ATP2B4: variants seen among roughly 807,000 people sequenced by gnomAD.
ATP2B4 encodes plasma membrane calcium-transporting ATPase 4.
A neutral mutation model predicts 110.3 loss-of-function variants in ATP2B4; 39 were observed. The observed-to-expected ratio is 0.35, with a 90% CI of 0.27 to 0.46. The LOEUF (loss-of-function observed/expected upper bound fraction) is 0.46, where lower values mean the gene tolerates loss of function less well. ATP2B4 is among the 20% of genes least tolerant of loss of function. The probability of loss-of-function intolerance (pLI) is 1.00; values close to 1 mark genes in which losing one functional copy is unlikely to be tolerated. For synonymous variants in ATP2B4, 538 were observed against 571.7 expected, an observed-to-expected ratio of 0.94 and a Z score of 0.84; for missense variants, 1,135 against 1,530.9, an observed-to-expected ratio of 0.74 and a Z score of 4.32.
At chr1:203,633,112 A>AT (rs1417369499) in intron 1 of ATP2B4, among the ~76,000 whole-genome samples, 1 of 152,244 alleles carries the variant, frequency 6.6e-6, no homozygotes, top group Non-Finnish European at 1.5e-5. Flanking sequence ...AAACTAGAGC[A>AT]TGCTCATGTC....
At chr1:203,660,046 C>T (rs1664286994) in intron 1 of ATP2B4, among the ~76,000 whole-genome samples, 1 of 149,390 alleles carries the variant, frequency 6.7e-6, no homozygotes, top group Admixed American at 6.7e-5. Flanking sequence ...TGTGCCACTG[C>T]ACTCCAGCCT....
At chr1:203,687,417 A>T (rs975846789) in intron 2 of ATP2B4, among the ~76,000 whole-genome samples, 1 of 152,198 alleles carries the variant, frequency 6.6e-6, no homozygotes, top group African/African-American at 2.4e-5. Flanking sequence ...CAATATGCTC[A>T]TCCTATAAAA....
In ATP2B4 at chr1:203,627,145, C is replaced by T. The variant is rs1558004947; in HGVS notation, c.-539C>T. The T allele has an allele frequency of 6.6e-6, 1 of 152,256 alleles. No individual in the cohort carries two copies. The highest frequency in any genetic ancestry group is 6.5e-5 in the Admixed American group (1 of 15,286). The allele number at this position is 152,256 out of a possible 1,614,324, so 9.4% of individuals were successfully genotyped here. A position where few individuals can be genotyped will look rare whatever the true frequency, so the allele number is the denominator to read the frequency against. The stretch of plus-strand genomic sequence containing the variant: ...TGGGGAGACTGGTGGGTGGTCACCC[C>T]ACCCTACCCTCATCCATGGAAACCC... On this transcript the variant is annotated 5_prime_UTR_variant, in exon 1 of 21. Transcript: ENST00000357681.
At chr1:203,707,789 A>C in intron 9 of ATP2B4, 73 bp from the exon 10 acceptor site, 1 of 1,572,424 alleles carries the variant, frequency 6.4e-7, no homozygotes, top group Non-Finnish European at 8.7e-7. Context: ...GTTGGCTAGG[A>C]AATGGCCTTT....
chr1:203,720,781 C>T, intron 16 of ATP2B4, 41 bp downstream of exon 16: 2 of 1,579,044 alleles, frequency 1.3e-6, no homozygotes, highest in Non-Finnish European at 1.7e-6. Flanking sequence ...AGGGATGAGT[C>T]AGGGGCTAAG....
intron 2 of ATP2B4, among the ~76,000 whole-genome samples, chr1:203,691,163 C>A (rs970666101): frequency 3.9e-5 from 6 of 152,224 alleles, no homozygotes; most frequent in Admixed American, 3.9e-4. Context: ...GAGGCTTCCC[C>A]TTCCTGCTTT....
chr1:203,657,486 G>A, intron 1 of ATP2B4: 1 of 785,426 alleles, frequency 1.3e-6, no homozygotes, highest in Non-Finnish European at 2.3e-6. Context: ...CAGATAAGCA[G>A]GTACTGCTCC....
intron 1 of ATP2B4, among the ~76,000 whole-genome samples, chr1:203,632,407 G>A (rs58762930): frequency 6.6e-6 from 1 of 151,310 alleles, no homozygotes; most frequent in African/African-American, 2.4e-5. Flanking sequence ...GCGGTGGTGG[G>A]ATCTCGGCTC....
At chr1:203,662,156 T>A (rs928493364) in intron 1 of ATP2B4, among the ~76,000 whole-genome samples, 1 of 152,120 alleles carries the variant, frequency 6.6e-6, no homozygotes, top group Non-Finnish European at 1.5e-5. Context: ...CCCGAGTAGC[T>A]GGGACTGCAG....
intron 1 of ATP2B4, among the ~76,000 whole-genome samples, chr1:203,651,767 T>A (rs922039543): frequency 6.8e-6 from 1 of 147,858 alleles, no homozygotes; most frequent in Non-Finnish European, 1.5e-5. Context: ...TCTAAATATA[T>A]GAACACACGG....
intron 1 of ATP2B4, among the ~76,000 whole-genome samples, chr1:203,674,483 A>ATT (rs34888124): frequency 6.6e-6 from 1 of 151,012 alleles, no homozygotes; most frequent in Non-Finnish European, 1.5e-5. Context: ...CATCTTGATA[A>ATT]TTTTTTTTGA....
At chr1:203,661,293 G>T (rs1017863281) in intron 1 of ATP2B4, among the ~76,000 whole-genome samples, 1 of 152,158 alleles carries the variant, frequency 6.6e-6, no homozygotes, top group Non-Finnish European at 1.5e-5. Flanking sequence ...TGTGGCTTCT[G>T]CCAAAGTCGG....
rs904359895 is a variant in ATP2B4 at position 203,666,171 on chromosome 1, G to C, written c.-464-16571G>C. Among the ~76,000 whole-genome samples the C allele has an allele frequency of 2.6e-5, 4 of 152,210 alleles. No individual in the cohort carries two copies. In the South Asian group the frequency reaches 6.2e-4, roughly 24 times the overall value. ...GTGAGCAACTCTGTCTCCTTTCCAA[G>C]CTGGCACCAGCTCAGGAGGAAGCAT... On this transcript the variant is annotated intron_variant, in intron 1 of 20. Transcript: ENST00000357681.
intron 1 of ATP2B4, among the ~76,000 whole-genome samples, chr1:203,673,877 G>A (rs776320233): frequency 3.9e-5 from 6 of 152,092 alleles, no homozygotes; most frequent in Admixed American, 6.6e-5. Flanking sequence ...GTCCCGACCC[G>A]GTAGCCCAGG....
intron 1 of ATP2B4, among the ~76,000 whole-genome samples, chr1:203,676,085 G>A (rs1022165718): frequency 2.4e-4 from 36 of 152,286 alleles, no homozygotes; most frequent in African/African-American, 8.7e-4. Context: ...CTGGCTTGGT[G>A]TGCCCGCCCT....
chr1:203,713,155 G>C lies in ATP2B4; in HGVS notation c.2212-10G>C, dbSNP rs772855970. ...ATTTGACTGATCCAGGTGTGGTCTG[G>C]TGTTGGCAGGTAGAGCAAGAAAAGC... On this transcript the variant is annotated splice_polypyrimidine_tract_variant and intron_variant, in intron 13 of 20. Coordinates refer to ENST00000357681, the MANE Select transcript of ATP2B4 (RefSeq NM_001684.5). The C allele has an allele frequency of 1.2e-6, 2 of 1,614,144 alleles. No homozygotes were observed. Among genetic ancestry groups the C allele is most frequent in the Admixed American group, 1.7e-5 (1 of 60,016 alleles).
chr1:203,673,819 C>T (rs1664746733), intron 1 of ATP2B4, among the ~76,000 whole-genome samples: 1 of 152,186 alleles, frequency 6.6e-6, no homozygotes, highest in Non-Finnish European at 1.5e-5. Context: ...AACTTCTTCC[C>T]CCTTGTCCTG....
intron 3 of ATP2B4, 32 bp downstream of exon 3, chr1:203,698,386 T>C (rs1052230997): frequency 2.9e-5 from 47 of 1,607,236 alleles, no homozygotes; most frequent in Non-Finnish European, 4.0e-5. Context: ...GCGTGACTCT[T>C]ATCTGGGTTC....
chr1:203,665,450 C>G (rs917456376), intron 1 of ATP2B4, among the ~76,000 whole-genome samples: 4 of 152,128 alleles, frequency 2.6e-5, no homozygotes, highest in Non-Finnish European at 4.4e-5. Context: ...CCTTTGACAC[C>G]CAATACAGAT....
Sources: gnomAD v4.1 joint callset for allele counts (sites outside exome capture counted in the v4.1 genomes callset) on GRCh38, gnomAD v4.1.1 for gene constraint, MANE v1.5 for transcripts, NCBI Gene and HGNC (gene_info 2026-07-23, HGNC 2026-07-21) for gene names.